BAZ2B: variants seen among roughly 807,000 people sequenced by gnomAD.
BAZ2B encodes the protein bromodomain adjacent to zinc finger domain protein 2B.
A neutral mutation model predicts 246.0 loss-of-function variants in BAZ2B; 91 were observed. The ratio of observed to expected loss-of-function variants is 0.37; its 90% CI spans 0.31 to 0.44. The LOEUF is 0.44. BAZ2B is among the 20% of genes least tolerant of loss of function. The pLI, the probability that BAZ2B is intolerant of heterozygous loss-of-function variation, is 1.00. For missense variants in BAZ2B, 2,332 were observed against 2,533.7 expected, an observed-to-expected ratio of 0.92 and a Z score of 1.71; for synonymous variants, 855 against 860.0, an observed-to-expected ratio of 0.99 and a Z score of 0.10.
intron 1 of BAZ2B, among the ~76,000 whole-genome samples, chr2:159,595,192 T>A (rs1421032901): frequency 6.6e-6 from 1 of 151,940 alleles, no homozygotes; most frequent in Admixed American, 6.6e-5. Context: ...AACCTCCGCC[T>A]CCTGGGTTCA....
the BAZ2B span, among the ~76,000 whole-genome samples, chr2:159,684,906 C>T: frequency 6.6e-6 from 1 of 152,078 alleles, no homozygotes; most frequent in Admixed American, 6.5e-5. Flanking sequence ...GTAAGAAATG[C>T]TATATTTTCA....
At chr2:159,505,588 C>T (rs1054915203) in intron 2 of BAZ2B, among the ~76,000 whole-genome samples, 2 of 151,928 alleles carry the variant, frequency 1.3e-5, no homozygotes, top group Non-Finnish European at 2.9e-5. Context: ...ATTAAAGATG[C>T]TATAAGACTC....
the BAZ2B span, among the ~76,000 whole-genome samples, chr2:159,703,318 T>C: frequency 2.0e-5 from 3 of 151,820 alleles, no homozygotes; most frequent in Admixed American, 6.6e-5. Flanking sequence ...GGTCTTGAAC[T>C]CCTGACCTCA....
intron 29 of BAZ2B, 74 bp from the exon 30 acceptor site, chr2:159,348,907 T>A (rs1575880072): frequency 6.5e-7 from 1 of 1,537,984 alleles, no homozygotes; most frequent in Admixed American, 2.1e-5. Flanking sequence ...ATAAAAAGAT[T>A]TATTAACTAT....
At chr2:159,504,235 A>C (rs928373946) in intron 2 of BAZ2B, among the ~76,000 whole-genome samples, 2 of 152,116 alleles carry the variant, frequency 1.3e-5, no homozygotes. Context: ...ATATGTATAC[A>C]TGTGCCATGC....
intron 1 of BAZ2B, among the ~76,000 whole-genome samples, chr2:159,604,792 G>A (rs1171715590): frequency 1.3e-5 from 2 of 152,148 alleles, no homozygotes; most frequent in African/African-American, 4.8e-5. Flanking sequence ...TTTACTAGCA[G>A]AAAGGAATGC....
At chr2:159,395,679 T>C (rs1402086038) in intron 20 of BAZ2B, 90 bp downstream of exon 20, 33 of 1,209,102 alleles carry the variant, frequency 2.7e-5, no homozygotes, top group Non-Finnish European at 3.8e-5. Context: ...AACAAACCTA[T>C]ATTCTGAAAA....
chr2:159,397,100 C>T, intron 19 of BAZ2B: 3 of 1,449,322 alleles, frequency 2.1e-6, no homozygotes, highest in Non-Finnish European at 1.8e-6. Flanking sequence ...CTCTCCAACT[C>T]CTGGTAGAAA....
At chr2:159,584,798 G>A (rs1363042774) in intron 1 of BAZ2B, among the ~76,000 whole-genome samples, 1 of 152,114 alleles carries the variant, frequency 6.6e-6, no homozygotes, top group Non-Finnish European at 1.5e-5. Context: ...CATAGGGGTG[G>A]ACTTCTCATG....
intron 2 of BAZ2B, among the ~76,000 whole-genome samples, chr2:159,528,055 T>C (rs969123059): frequency 6.6e-6 from 1 of 152,178 alleles, no homozygotes; most frequent in Non-Finnish European, 1.5e-5. Flanking sequence ...CTTTTAGATG[T>C]AAGCAGGAGA....
At chr2:159,516,050 G>A (rs978004467) in intron 2 of BAZ2B, among the ~76,000 whole-genome samples, 6 of 151,948 alleles carry the variant, frequency 3.9e-5, no homozygotes, top group African/African-American at 1.4e-4. Context: ...AAAACCTACA[G>A]TATGTGTATG....
the BAZ2B span, among the ~76,000 whole-genome samples, chr2:159,671,675 A>C: frequency 6.6e-6 from 1 of 152,184 alleles, no homozygotes; most frequent in Non-Finnish European, 1.5e-5. Flanking sequence ...AAACTAGCAG[A>C]AATAGTTTAT....
intron 25 of BAZ2B, among the ~76,000 whole-genome samples, chr2:159,380,596 A>G (rs1388672869): frequency 6.6e-6 from 1 of 152,102 alleles, no homozygotes; most frequent in African/African-American, 2.4e-5. Flanking sequence ...GGGAACTTGG[A>G]TTTTGGGAGG....
the BAZ2B span, among the ~76,000 whole-genome samples, chr2:159,696,957 T>A: frequency 1.3e-5 from 2 of 152,060 alleles, no homozygotes; most frequent in Admixed American, 6.5e-5. Context: ...CGGCTAATTG[T>A]TGTATTTTTG....
chr2:159,705,647 A>T, the BAZ2B span, among the ~76,000 whole-genome samples: 1 of 152,216 alleles, frequency 6.6e-6, no homozygotes, highest in Non-Finnish European at 1.5e-5. Flanking sequence ...AGATCCTATT[A>T]TCTTATTCCA....
intron 19 of BAZ2B, chr2:159,396,243 C>G (rs61122610): frequency 1.3e-5 from 2 of 153,382 alleles, no homozygotes; most frequent in African/African-American, 2.4e-5. Flanking sequence ...TTGTGTTGTT[C>G]TTAAAATTTT....
chr2:159,517,302 A>T (rs972192636), intron 2 of BAZ2B, among the ~76,000 whole-genome samples: 5 of 151,892 alleles, frequency 3.3e-5, no homozygotes, highest in African/African-American at 1.2e-4. Flanking sequence ...CTTTGTCCAT[A>T]GTTTTTTTTT....
At chr2:159,430,069 C>G (rs2070791649) in intron 10 of BAZ2B, among the ~76,000 whole-genome samples, 1 of 152,144 alleles carries the variant, frequency 6.6e-6, no homozygotes, top group Non-Finnish European at 1.5e-5. Flanking sequence ...GAATGCTACT[C>G]TCTAATAGAA....
At chr2:159,336,652 T>C (rs984778420) in intron 33 of BAZ2B, among the ~76,000 whole-genome samples, 1 of 152,204 alleles carries the variant, frequency 6.6e-6, no homozygotes, top group African/African-American at 2.4e-5. Context: ...CCTTCAAGAT[T>C]TAGATTAATA....
Sources: gnomAD v4.1 joint callset for allele counts (sites outside exome capture counted in the v4.1 genomes callset) on GRCh38, gnomAD v4.1.1 for gene constraint, MANE v1.5 for transcripts, NCBI Gene and HGNC (gene_info 2026-07-23, HGNC 2026-07-21) for gene names.